The following RAD51B variants were observed in gnomAD, a reference collection of about 807,000 sequenced individuals.
The protein encoded by RAD51B is RAD51 paralog B.
Under a neutral mutation model 42.2 loss-of-function variants are expected in RAD51B, and 38 were observed. That is an observed-to-expected ratio of 0.90 (90% CI 0.70 to 1.18). The LOEUF is 1.18. Among genes scored for constraint, RAD51B ranks in the 50% most tolerant of loss-of-function variants. The probability of loss-of-function intolerance (pLI) is 0.00; values close to 1 mark genes in which losing one functional copy is unlikely to be tolerated. For synonymous variants in RAD51B, 154 were observed against 145.2 expected (o/e 1.06, Z -0.43); for missense variants, 373 against 400.7 (o/e 0.93, Z 0.59).
At chr14:68,110,359 C>T (rs1325563698) in intron 7 of RAD51B, among the ~76,000 whole-genome samples, 1 of 151,982 alleles carries the variant, frequency 6.6e-6, no homozygotes, top group Non-Finnish European at 1.5e-5. Context: ...CCACAATCCC[C>T]TCTTCTTACC....
At chr14:68,088,636 G>C (rs2077038709) in intron 7 of RAD51B, among the ~76,000 whole-genome samples, 1 of 142,064 alleles carries the variant, frequency 7.0e-6, no homozygotes, top group Non-Finnish European at 1.5e-5. Context: ...GAGAGAGAGA[G>C]AGAGACAGAG....
intron 7 of RAD51B, among the ~76,000 whole-genome samples, chr14:68,179,674 A>C (rs1195393061): frequency 1.3e-5 from 2 of 152,164 alleles, no homozygotes; most frequent in Admixed American, 1.3e-4. Flanking sequence ...AATTTTTTTC[A>C]AAGAACATCT....
At chr14:68,121,841 A>T (rs2077656939) in intron 7 of RAD51B, among the ~76,000 whole-genome samples, 1 of 152,136 alleles carries the variant, frequency 6.6e-6, no homozygotes, top group South Asian at 2.1e-4. Context: ...TGTAAAATGT[A>T]TTAAGCTACA....
downstream of RAD51B, among the ~76,000 whole-genome samples, chr14:68,612,909 C>T (rs1486837796): frequency 6.6e-6 from 1 of 151,950 alleles, no homozygotes; most frequent in Non-Finnish European, 1.5e-5. Context: ...GGGAACTCAG[C>T]CCTGGTCAGA....
At chr14:68,011,238 AGGG>A (rs2075679280) in intron 7 of RAD51B, among the ~76,000 whole-genome samples, 1 of 152,032 alleles carries the variant, frequency 6.6e-6, no homozygotes, top group Non-Finnish European at 1.5e-5. Flanking sequence ...GTCTGTAAAG[AGGG>A]GTGTATATGA....
chr14:68,234,914 C>A (rs1238035654), intron 7 of RAD51B, among the ~76,000 whole-genome samples: 2 of 152,028 alleles, frequency 1.3e-5, no homozygotes, highest in African/African-American at 2.4e-5. Flanking sequence ...CTTTTTGACT[C>A]TTTTGTAGTA....
At chr14:67,851,017 G>A (rs8018528) in intron 4 of RAD51B, among the ~76,000 whole-genome samples, 6,056 of 152,182 alleles carry the variant, frequency 0.04, 320 homozygotes, top group African/African-American at 0.12. Context: ...AATATAGGTA[G>A]CTGTGTGGCT....
downstream of RAD51B, among the ~76,000 whole-genome samples, chr14:68,615,957 T>C (rs1422541469): frequency 2.6e-5 from 4 of 152,194 alleles, no homozygotes; most frequent in Admixed American, 1.3e-4. Flanking sequence ...CTATTTGTTT[T>C]CTACTCATTC....
intron 10 of RAD51B, among the ~76,000 whole-genome samples, chr14:68,531,159 CA>C (rs1045737924): frequency 9.8e-4 from 85 of 87,034 alleles, no homozygotes; most frequent in East Asian, 2.7e-3. Context: ...ACAGGAAAGA[CA>C]AAAAAAAAAT....
At chr14:68,271,687 C>T (rs933954203) in intron 7 of RAD51B, among the ~76,000 whole-genome samples, 34 of 152,106 alleles carry the variant, frequency 2.2e-4, no homozygotes, top group African/African-American at 8.2e-4. Flanking sequence ...AATACTATGG[C>T]CTGCCTCACA....
At chr14:68,280,972 G>A (rs1248133792) in intron 7 of RAD51B, among the ~76,000 whole-genome samples, 5 of 151,950 alleles carry the variant, frequency 3.3e-5, no homozygotes, top group African/African-American at 2.4e-5. Context: ...TGGGAGGAAC[G>A]CTTGAGCTCA....
At chr14:67,929,823 G>GT (rs569378119) in intron 7 of RAD51B, among the ~76,000 whole-genome samples, 30 of 145,108 alleles carry the variant, frequency 2.1e-4, no homozygotes, top group South Asian at 6.6e-4. Context: ...GTGTTTTTTT[G>GT]TTTTTTTTAA....
intron 7 of RAD51B, among the ~76,000 whole-genome samples, chr14:68,158,154 A>G (rs191146792): frequency 9.5e-4 from 145 of 152,198 alleles, no homozygotes; most frequent in African/African-American, 3.4e-3. Context: ...CACCATCCCA[A>G]CCTGCCTTGA....
chr14:68,459,709 A>G (rs1420878989), intron 9 of RAD51B, among the ~76,000 whole-genome samples: 1 of 152,220 alleles, frequency 6.6e-6, no homozygotes, highest in African/African-American at 2.4e-5. Context: ...TTGGGGAGCT[A>G]TCTACTTCAA....
chr14:68,424,235 A>G lies in RAD51B; in HGVS notation c.957+12708A>G, dbSNP rs144516697. On this transcript the variant is annotated intron_variant, in intron 9 of 10. Transcript: ENST00000471583. The stretch of plus-strand genomic sequence containing the variant: ...TTTCCTTGCAAAGTCACTTTTCCAC[A>G]TACTAATCCATTTCACGGTTTATCT... 3.9e-4 allele frequency among the ~76,000 whole-genome samples: 59 copies of G among 152,306 alleles called. No homozygotes were observed. In the East Asian group the frequency reaches 0.011, roughly 27 times the overall value.
Position 68,620,375 on chromosome 14 carries a change from G to A in RAD51B, c.1037-30406G>A, listed in dbSNP as rs542555388. On this transcript the variant is annotated intron_variant, in intron 10 of 11. Coordinates refer to the RAD51B transcript ENST00000488612. ...CCCTTCTGACCTGTCCCCACCATGG[G>A]TAGCTGTTGTAATCTGACTCACTGT... Among the ~76,000 whole-genome samples, 3 of 152,254 alleles carry A rather than the reference G, an allele frequency of 2.0e-5. No homozygotes were observed. In the South Asian group the frequency reaches 6.2e-4, roughly 32 times the overall value.
chr14:68,115,033 T>C (rs887572088), intron 7 of RAD51B, among the ~76,000 whole-genome samples: 83 of 145,142 alleles, frequency 5.7e-4, no homozygotes, highest in Non-Finnish European at 1.1e-3. Context: ...GACCCAGCCA[T>C]CCCATTACTG....
At chr14:68,372,883 C>T (rs74059308) in intron 8 of RAD51B, among the ~76,000 whole-genome samples, 12,234 of 152,288 alleles carry the variant, frequency 0.08, 559 homozygotes, top group Non-Finnish European at 0.099. Context: ...CTCTAATCAA[C>T]ATTCTCCTTC....
intron 8 of RAD51B, among the ~76,000 whole-genome samples, chr14:68,381,064 C>A (rs1233095022): frequency 6.6e-6 from 1 of 152,196 alleles, no homozygotes; most frequent in Admixed American, 6.5e-5. Flanking sequence ...ATCCATAATT[C>A]TTTCCTATTT....
Sources: gnomAD v4.1 joint callset for allele counts (sites outside exome capture counted in the v4.1 genomes callset) on GRCh38, gnomAD v4.1.1 for gene constraint, MANE v1.5 for transcripts, NCBI Gene and HGNC (gene_info 2026-07-23, HGNC 2026-07-21) for gene names.